PYDC5: variants seen among roughly 807,000 people sequenced by gnomAD.
PYDC5 encodes the protein pyrin domain containing 5, also known as pyrin domain-containing protein 5.
the PYDC5 span, among the ~76,000 whole-genome samples, chr1:159,000,624 C>T: frequency 2.0e-5 from 3 of 152,142 alleles, no homozygotes; most frequent in African/African-American, 4.8e-5. Context: ...ACACAATGCA[C>T]ATATTTCACA....
At chr1:159,001,687 G>T in the PYDC5 span, among the ~76,000 whole-genome samples, 3 of 152,054 alleles carry the variant, frequency 2.0e-5, no homozygotes, top group Non-Finnish European at 4.4e-5. Context: ...TTATCTATAA[G>T]AATGCAACCC....
chr1:159,002,147 T>C, the PYDC5 span, among the ~76,000 whole-genome samples: 88 of 152,272 alleles, frequency 5.8e-4, no homozygotes, highest in Non-Finnish European at 9.4e-4. Flanking sequence ...AGTCTCTCAA[T>C]TGTTACATTT....
At chr1:159,002,335 AAAAC>A in the PYDC5 span, among the ~76,000 whole-genome samples, 1 of 152,248 alleles carries the variant, frequency 6.6e-6, no homozygotes, top group Non-Finnish European at 1.5e-5. Flanking sequence ...AAAGAAAAAA[AAAAC>A]TAGTGTTATT....
the PYDC5 span, among the ~76,000 whole-genome samples, chr1:159,002,036 G>T: frequency 6.6e-6 from 1 of 152,128 alleles, no homozygotes; most frequent in Non-Finnish European, 1.5e-5. Context: ...AAAATGTTGA[G>T]GGAGCATATA....
chr1:159,000,589 G>T, the PYDC5 span, among the ~76,000 whole-genome samples: 1 of 152,128 alleles, frequency 6.6e-6, no homozygotes, highest in Non-Finnish European at 1.5e-5. Context: ...TTAAAACAGA[G>T]TTATTCAGGC....
the PYDC5 span, among the ~76,000 whole-genome samples, chr1:159,001,609 G>C: frequency 6.6e-6 from 1 of 152,088 alleles, no homozygotes; most frequent in African/African-American, 2.4e-5. Context: ...TGAAAGAAAA[G>C]AAGGAAATTT....
the PYDC5 span, chr1:159,000,241 C>T: frequency 7.3e-5 from 19 of 260,716 alleles, no homozygotes; most frequent in African/African-American, 3.6e-4. Flanking sequence ...AGCACTTAAA[C>T]CTATCCAGTT....
At chr1:159,000,513 C>T in the PYDC5 span, 2 of 152,404 alleles carry the variant, frequency 1.3e-5, no homozygotes, top group Non-Finnish European at 2.9e-5. Flanking sequence ...CTGGGAAAGA[C>T]ATCTTCAGAG....
At chr1:159,002,054 C>G in the PYDC5 span, among the ~76,000 whole-genome samples, 1 of 152,184 alleles carries the variant, frequency 6.6e-6, no homozygotes, top group African/African-American at 2.4e-5. Context: ...ATAATCATCT[C>G]TGAATGGGGA....
chr1:159,002,304 T>C, the PYDC5 span, among the ~76,000 whole-genome samples: 1 of 152,086 alleles, frequency 6.6e-6, no homozygotes. Context: ...AATGATTCTC[T>C]GTTTAAAAAA....
the PYDC5 span, among the ~76,000 whole-genome samples, chr1:159,001,947 T>C: frequency 6.6e-6 from 1 of 152,224 alleles, no homozygotes; most frequent in African/African-American, 2.4e-5. Context: ...TCCTGTACCA[T>C]GCATAATAGC....
chr1:159,002,590 T>C, the PYDC5 span, among the ~76,000 whole-genome samples: 13 of 152,348 alleles, frequency 8.5e-5, no homozygotes, highest in South Asian at 1.0e-3. Flanking sequence ...ATAGAATTTA[T>C]CTGCTTGTAA....
the PYDC5 span, among the ~76,000 whole-genome samples, chr1:159,002,503 A>C: frequency 0.025 from 3,759 of 152,184 alleles, 160 homozygotes; most frequent in African/African-American, 0.086. Flanking sequence ...TTTTTTTCTA[A>C]GCTCATCCTT....
chr1:159,002,730 C>T, the PYDC5 span, among the ~76,000 whole-genome samples: 1 of 152,212 alleles, frequency 6.6e-6, no homozygotes, highest in African/African-American at 2.4e-5. Flanking sequence ...TATTGCTGTA[C>T]TCCTACCACC....
chr1:159,002,548 TTAC>T, the PYDC5 span, among the ~76,000 whole-genome samples: 1 of 151,220 alleles, frequency 6.6e-6, no homozygotes, highest in Admixed American at 6.6e-5. Flanking sequence ...CACGATACCG[TTAC>T]TATTACCTCA....
the PYDC5 span, among the ~76,000 whole-genome samples, chr1:159,001,057 T>C: frequency 6.6e-6 from 1 of 152,168 alleles, no homozygotes; most frequent in South Asian, 2.1e-4. Flanking sequence ...AACTCTAAAT[T>C]TCTTTATAAA....
At chr1:159,002,390 T>C in the PYDC5 span, among the ~76,000 whole-genome samples, 3 of 152,220 alleles carry the variant, frequency 2.0e-5, no homozygotes, top group Non-Finnish European at 2.9e-5. Flanking sequence ...AGTAGTGTTA[T>C]AATTGAAGCA....
At chr1:159,001,924 T>G in the PYDC5 span, among the ~76,000 whole-genome samples, 1 of 152,182 alleles carries the variant, frequency 6.6e-6, no homozygotes, top group Admixed American at 6.5e-5. Flanking sequence ...CACACTGTAG[T>G]TGAGAAGTAT....
the PYDC5 span, among the ~76,000 whole-genome samples, chr1:159,001,722 C>T: frequency 6.6e-6 from 1 of 152,182 alleles, no homozygotes; most frequent in Non-Finnish European, 1.5e-5. Flanking sequence ...TACGTGCTAA[C>T]ATTCACATAT....
Sources: gnomAD v4.1 joint callset for allele counts (sites outside exome capture counted in the v4.1 genomes callset) on GRCh38, gnomAD v4.1.1 for gene constraint, MANE v1.5 for transcripts, NCBI Gene and HGNC (gene_info 2026-07-23, HGNC 2026-07-21) for gene names.